The following COPG2 variants were observed in gnomAD, a reference collection of about 807,000 sequenced individuals.
COPG2 encodes the protein coatomer subunit gamma-2.
Under a neutral mutation model 46.3 loss-of-function variants are expected in COPG2, and 37 were observed. The ratio of observed to expected loss-of-function variants is 0.80; its 90% CI spans 0.61 to 1.05. The LOEUF is 1.05. COPG2 is among the 50% of genes least tolerant of loss of function. The probability of loss-of-function intolerance (pLI) is 0.00; values close to 1 mark genes in which losing one functional copy is unlikely to be tolerated. For synonymous variants in COPG2, 159 were observed against 129.7 expected, an observed-to-expected ratio of 1.23 and a Z score of -1.53; for missense variants, 427 against 387.8, an observed-to-expected ratio of 1.10 and a Z score of -0.85.
At chr7:130,652,497 T>C (rs1174062768) in intron 5 of COPG2, among the ~76,000 whole-genome samples, 1 of 152,232 alleles carries the variant, frequency 6.6e-6, no homozygotes, top group African/African-American at 2.4e-5. Flanking sequence ...ATCCTTTATA[T>C]TGGTTATTTG....
chr7:130,573,954 A>G (rs1425892177), intron 9 of COPG2, among the ~76,000 whole-genome samples: 1 of 152,226 alleles, frequency 6.6e-6, no homozygotes, highest in East Asian at 1.9e-4. Context: ...AAAGTTAAAC[A>G]TAAACTCATC....
intron 12 of COPG2, among the ~76,000 whole-genome samples, chr7:130,559,651 C>T (rs1264595063): frequency 2.6e-5 from 4 of 152,164 alleles, no homozygotes; most frequent in Admixed American, 2.6e-4. Flanking sequence ...ATACGAAGAT[C>T]CCACTACCAC....
At chr7:130,613,779 T>C (rs1055468791) in intron 6 of COPG2, 143 bp from the exon 7 acceptor site, 7 of 617,946 alleles carry the variant, frequency 1.1e-5, no homozygotes, top group African/African-American at 1.8e-5. Context: ...GATGATAATA[T>C]AGTAATAATA....
intron 23 of COPG2, 39 bp downstream of exon 23, chr7:130,507,235 G>T: frequency 1.3e-6 from 1 of 779,886 alleles, no homozygotes; most frequent in Non-Finnish European, 2.4e-6. Flanking sequence ...ATTAAGCTTT[G>T]CAAGAAAATG....
At chr7:130,633,362 C>G (rs1237274860) in intron 5 of COPG2, among the ~76,000 whole-genome samples, 1 of 152,196 alleles carries the variant, frequency 6.6e-6, no homozygotes, top group Non-Finnish European at 1.5e-5. Flanking sequence ...CTCCCACCAA[C>G]AGTGTAAAGG....
chr7:130,527,690 A>T, intron 20 of COPG2, among the ~76,000 whole-genome samples: 1 of 152,078 alleles, frequency 6.6e-6, no homozygotes, highest in East Asian at 1.9e-4. Flanking sequence ...TGGACACGGG[A>T]GGATGGAGAG....
chr7:130,666,000 C>T lies in COPG2; in HGVS notation c.171+849G>A, dbSNP rs2633768. Among the ~76,000 whole-genome samples the T allele has an allele frequency of 9.3e-3, 1,416 of 152,216 alleles. 18 individuals are homozygous for T. The highest frequency in any genetic ancestry group is 0.033 in the African/African-American group (1,371 of 41,528). ...TACGCAATAAATATTTGCTGAATGA[C>T]GGAAGGAAAACTATTCCTGAATGCT... On this transcript the variant is annotated intron_variant, in intron 3 of 23. Coordinates refer to ENST00000425248, the MANE Select transcript of COPG2 (RefSeq NM_012133.6).
chr7:130,617,273 A>G (rs1794966638), intron 5 of COPG2, among the ~76,000 whole-genome samples: 1 of 152,262 alleles, frequency 6.6e-6, no homozygotes, highest in Non-Finnish European at 1.5e-5. Context: ...CAAAATTAGT[A>G]AAAAGCAAAA....
chr7:130,626,698 C>T (rs557711647), intron 5 of COPG2, among the ~76,000 whole-genome samples: 13 of 152,162 alleles, frequency 8.5e-5, no homozygotes, highest in Non-Finnish European at 1.6e-4. Context: ...TACACTTAGA[C>T]CTTGAAAGAC....
intron 8 of COPG2, among the ~76,000 whole-genome samples, 162 bp from the exon 9 acceptor site, chr7:130,611,272 GA>G (rs1275806191): frequency 2.6e-5 from 4 of 152,184 alleles, no homozygotes; most frequent in African/African-American, 9.6e-5. Flanking sequence ...AGGCAAGACT[GA>G]AAAGATTAAA....
chr7:130,513,494 A>G (rs1554441357), intron 20 of COPG2, among the ~76,000 whole-genome samples: 1 of 150,708 alleles, frequency 6.6e-6, no homozygotes, highest in Non-Finnish European at 1.5e-5. Context: ...CATATGCAGT[A>G]GAGAGATGTG....
intron 8 of COPG2, among the ~76,000 whole-genome samples, chr7:130,611,709 A>C (rs2129902): frequency 0.15 from 22,297 of 152,152 alleles, 3,011 homozygotes; most frequent in African/African-American, 0.36. Flanking sequence ...TGAAGAATTT[A>C]ATCTTATTCC....
chr7:130,645,473 G>A (rs1018801277), intron 5 of COPG2: 3 of 323,482 alleles, frequency 9.3e-6, no homozygotes, highest in South Asian at 5.4e-5. Flanking sequence ...CCACTGCCTC[G>A]AGACTGCCAA....
intron 9 of COPG2, among the ~76,000 whole-genome samples, chr7:130,597,000 A>G (rs1384046234): frequency 1.3e-5 from 2 of 152,228 alleles, no homozygotes; most frequent in African/African-American, 4.8e-5. Context: ...GAAGTAGCAT[A>G]TGTATTAATA....
At chr7:130,509,855 A>G in intron 20 of COPG2, 2 of 495,684 alleles carry the variant, frequency 4.0e-6, no homozygotes, top group South Asian at 2.9e-5. Flanking sequence ...ATAGCCTGGG[A>G]AAACTGTAAA....
intron 9 of COPG2, among the ~76,000 whole-genome samples, chr7:130,605,003 C>T (rs1554451011): frequency 6.6e-6 from 1 of 152,144 alleles, no homozygotes; most frequent in Non-Finnish European, 1.5e-5. Context: ...TAGAATAAAC[C>T]CATACTGGGA....
chr7:130,576,336 A>T (rs1793998276), intron 9 of COPG2, among the ~76,000 whole-genome samples: 1 of 152,238 alleles, frequency 6.6e-6, no homozygotes, highest in Admixed American at 6.5e-5. Context: ...GAGCCTCAAT[A>T]AATTTAAGAA....
chr7:130,549,525 G>A (rs1382186689), intron 17 of COPG2, 149 bp from the exon 18 acceptor site: 4 of 395,964 alleles, frequency 1.0e-5, no homozygotes, highest in Non-Finnish European at 1.8e-5. Flanking sequence ...ATCACTTCTG[G>A]TGGGGGGACA....
At chr7:130,613,724 A>G in intron 6 of COPG2, 88 bp from the exon 7 acceptor site, 1 of 832,196 alleles carries the variant, frequency 1.2e-6, no homozygotes, top group Non-Finnish European at 2.0e-6. Context: ...TTCAAAAACC[A>G]ATCTTATATT....
Sources: gnomAD v4.1 joint callset for allele counts (sites outside exome capture counted in the v4.1 genomes callset) on GRCh38, gnomAD v4.1.1 for gene constraint, MANE v1.5 for transcripts, NCBI Gene and HGNC (gene_info 2026-07-23, HGNC 2026-07-21) for gene names.